The following SOX6 variants were observed in gnomAD, a reference collection of about 807,000 sequenced individuals.
SOX6 encodes the protein SRY-box transcription factor 6.
SOX6 carries 11 observed loss-of-function variants against 97.8 expected under a neutral mutation model. The observed-to-expected ratio is 0.11, with a 90% CI of 0.07 to 0.19. The LOEUF is 0.19. SOX6 is among the 10% of genes least tolerant of loss of function. SOX6 has a pLI of 1.00. For synonymous variants in SOX6, 360 were observed against 371.4 expected (o/e 0.97, Z 0.35); for missense variants, 810 against 1,039.5 (o/e 0.78, Z 3.04).
chr11:16,306,802 A>T lies in SOX6; in HGVS notation c.445+11644T>A, dbSNP rs562061680. 1.1e-4 allele frequency among the ~76,000 whole-genome samples: 16 copies of T among 151,252 alleles called. No individual in the cohort carries two copies. The South Asian group carries it at 3.1e-3, about 30-fold the overall frequency. On this transcript the variant is annotated intron_variant, in intron 3 of 15. Transcript: ENST00000683767. ...CACCATGCCCGGCTAATTTTTGTAT[A>T]TTTAGTAGAGACGGGGTTTCACCAT...
intron 5 of SOX6, among the ~76,000 whole-genome samples, chr11:16,185,510 A>T (rs1460055390): frequency 2.0e-5 from 3 of 152,206 alleles, no homozygotes; most frequent in Non-Finnish European, 4.4e-5. Flanking sequence ...GGTTTGACAC[A>T]GTGAAGTATG....
intron 1 of SOX6, among the ~76,000 whole-genome samples, 30 bp downstream of exon 1, chr11:16,356,064 T>TG (rs1397098639): frequency 2.6e-5 from 4 of 152,048 alleles, no homozygotes; most frequent in African/African-American, 9.7e-5. Flanking sequence ...CCAAGACCTG[T>TG]GACAGCTAAA....
At chr11:16,559,000 T>C (rs901796749) in intron 4 of SOX6, among the ~76,000 whole-genome samples, 3 of 152,026 alleles carry the variant, frequency 2.0e-5, no homozygotes, top group African/African-American at 7.2e-5. Context: ...AACAACCCTT[T>C]TTAGAAAGTA....
At chr11:16,350,894 A>C (rs1458472237) in intron 1 of SOX6, among the ~76,000 whole-genome samples, 1 of 152,174 alleles carries the variant, frequency 6.6e-6, no homozygotes, top group East Asian at 1.9e-4. Flanking sequence ...ATGAGGGAGG[A>C]AAAGGCAGAG....
intron 3 of SOX6, among the ~76,000 whole-genome samples, chr11:16,701,942 C>A (rs1002542026): frequency 2.0e-5 from 3 of 152,104 alleles, no homozygotes; most frequent in African/African-American, 7.2e-5. Context: ...ATACTATACT[C>A]TGCATTTGGA....
chr11:16,348,804 A>G (rs889664349), intron 1 of SOX6, among the ~76,000 whole-genome samples: 2 of 152,140 alleles, frequency 1.3e-5, no homozygotes, highest in Non-Finnish European at 2.9e-5. Context: ...CTTTTGTCTT[A>G]ATTTTTCTTT....
At chr11:16,667,078 AGTT>A (rs1009161512) in intron 3 of SOX6, among the ~76,000 whole-genome samples, 1 of 150,896 alleles carries the variant, frequency 6.6e-6, no homozygotes, top group African/African-American at 2.4e-5. Flanking sequence ...AAAAAAAAAA[AGTT>A]AGCCAGGCAT....
At position 16,015,070 on chromosome 11, in the gene SOX6, G is replaced by T; in HGVS notation, c.1624-20C>A. 1 of 1,605,016 alleles carries T rather than the reference G, an allele frequency of 6.2e-7. No homozygotes were observed. The highest frequency in any genetic ancestry group is 8.5e-7 in the Non-Finnish European group (1 of 1,172,690). On this transcript the variant is annotated intron_variant, in intron 12 of 15. Transcript: ENST00000683767. Reference sequence around the variant, plus strand: ...TCTTTCCTAGAGGAACAAATAATCAGAGGCTTATTCTAGTTTCCAAAACAG... The same window carrying T: ...TCTTTCCTAGAGGAACAAATAATCATAGGCTTATTCTAGTTTCCAAAACAG...
At position 16,544,153 on chromosome 11, in the gene SOX6, T is replaced by C. The variant is rs190182790; in HGVS notation, n.610-67765A>G. ...TGCATGATTCCATTTATATGAAATA[T>C]CTAGAATAGGTAAATCCATAGAAAC... On this transcript the variant is annotated intron_variant and non_coding_transcript_variant, in intron 4 of 5. Coordinates refer to the SOX6 transcript ENST00000524520. Among the ~76,000 whole-genome samples, 7 of 152,298 alleles carry C rather than the reference T, an allele frequency of 4.6e-5. No individual in the cohort carries two copies. The East Asian group carries it at 1.3e-3, about 29-fold the overall frequency.
At chr11:16,004,571 A>G (rs908643584) in intron 13 of SOX6, among the ~76,000 whole-genome samples, 1 of 152,066 alleles carries the variant, frequency 6.6e-6, no homozygotes, top group African/African-American at 2.4e-5. Context: ...AGACAATCCA[A>G]TCTGATGGGC....
intron 2 of SOX6, among the ~76,000 whole-genome samples, chr11:16,735,193 A>G (rs1848382559): frequency 6.6e-6 from 1 of 152,194 alleles, no homozygotes; most frequent in Non-Finnish European, 1.5e-5. Context: ...CTGAACCCAT[A>G]TAGTGAGAGA....
chr11:16,000,079 ATGTC>A (rs1165196168), intron 13 of SOX6, among the ~76,000 whole-genome samples: 1 of 152,182 alleles, frequency 6.6e-6, no homozygotes, highest in Non-Finnish European at 1.5e-5. Context: ...TGGCTGATAG[ATGTC>A]TGTCTATGAT....
intron 3 of SOX6, among the ~76,000 whole-genome samples, chr11:16,665,003 A>G (rs931502945): frequency 3.9e-5 from 6 of 151,900 alleles, no homozygotes; most frequent in Non-Finnish European, 7.4e-5. Context: ...AGGATTCATC[A>G]TCTGCTGACT....
At chr11:16,581,468 G>T (rs1439234368) in intron 4 of SOX6, among the ~76,000 whole-genome samples, 1 of 152,114 alleles carries the variant, frequency 6.6e-6, no homozygotes, top group East Asian at 1.9e-4. Context: ...AGGGGAGGGA[G>T]AGCTTCAGGA....
At chr11:16,336,483 C>G (rs1856463907) in intron 2 of SOX6, among the ~76,000 whole-genome samples, 1 of 152,104 alleles carries the variant, frequency 6.6e-6, no homozygotes, top group South Asian at 2.1e-4. Context: ...AATGAATAAC[C>G]TCCCTAACTG....
chr11:16,294,876 C>T (rs1391537724), intron 3 of SOX6, among the ~76,000 whole-genome samples: 2 of 151,940 alleles, frequency 1.3e-5, no homozygotes, highest in Admixed American at 6.6e-5. Context: ...TAATAGTAGA[C>T]ATTCATTAGG....
chr11:16,580,277 C>CTTTT (rs1848020520), intron 4 of SOX6, among the ~76,000 whole-genome samples: 1 of 151,972 alleles, frequency 6.6e-6, no homozygotes, highest in South Asian at 2.1e-4. Flanking sequence ...TTAAAATGTC[C>CTTTT]TTTAAAAATC....
At chr11:16,530,787 C>T (rs1007891046) in intron 4 of SOX6, among the ~76,000 whole-genome samples, 3 of 151,780 alleles carry the variant, frequency 2.0e-5, no homozygotes, top group Non-Finnish European at 4.4e-5. Context: ...TCCTAAGACA[C>T]TGTCCGAGGT....
intron 3 of SOX6, among the ~76,000 whole-genome samples, chr11:16,299,440 G>A (rs181422939): frequency 6.2e-4 from 95 of 152,172 alleles, no homozygotes; most frequent in East Asian, 3.3e-3. Flanking sequence ...TATAAAAAAC[G>A]GGGGAGGGGT....
Sources: gnomAD v4.1 joint callset for allele counts (sites outside exome capture counted in the v4.1 genomes callset) on GRCh38, gnomAD v4.1.1 for gene constraint, MANE v1.5 for transcripts, NCBI Gene and HGNC (gene_info 2026-07-23, HGNC 2026-07-21) for gene names.